SLTM: variants seen among roughly 807,000 people sequenced by gnomAD.
The protein encoded by SLTM is SAFB-like transcription modulator.
In SLTM, 43 loss-of-function variants were observed where a neutral mutation model predicts 134.6. The observed-to-expected ratio is 0.32, with a 90% CI of 0.25 to 0.41. The LOEUF is 0.41. Ranked by LOEUF, SLTM falls within the 10% of genes least tolerant of loss-of-function variation. SLTM has a pLI of 1.00. For missense variants in SLTM, 1,055 were observed against 1,288.8 expected (o/e 0.82, Z 2.78); for synonymous variants, 424 against 432.3 (o/e 0.98, Z 0.24).
At chr15:58,898,564 C>T (rs750842164) in intron 8 of SLTM, 3 of 399,252 alleles carry the variant, frequency 7.5e-6, no homozygotes, top group Non-Finnish European at 9.0e-6. Context: ...GGTAAGTGTT[C>T]CCTAGCTAAT....
rs1051972005 is a variant in SLTM, at chr15:58,888,478, T to G, written c.2282A>C (p.Tyr761Ser). ...ATTAAATCTGTTCTGTTGGCGAGAG[T>G]AGTCGGATCCATGGCCAAATCGTGC... ...TDARFGHGSD[Y>S]SRQQNRFNDF... Residue 761 changes from tyrosine (Y) to serine (S), a missense_variant, in exon 17 of 21, where the codon TAC becomes TCC. Tyr to Ser is a moderately radical substitution (Grantham distance 144). Around this residue, in one of 3 missense-constraint regions of SLTM, gnomAD observed 776 missense variants for 962.2 expected, o/e 0.81. Transcript: ENST00000380516. The G allele has an allele frequency of 6.2e-7, 1 of 1,613,898 alleles. No homozygotes were observed. Among genetic ancestry groups the G allele is most frequent in the Non-Finnish European group, 8.5e-7 (1 of 1,179,978 alleles).
chr15:58,882,081 C>T (rs568944902), intron 20 of SLTM, among the ~76,000 whole-genome samples: 1 of 149,814 alleles, frequency 6.7e-6, no homozygotes, highest in Admixed American at 6.7e-5. Flanking sequence ...GTGGTGCACG[C>T]CTGTATTCCC....
At chr15:58,888,294 G>T in intron 17 of SLTM, 91 bp downstream of exon 17, 1 of 1,144,832 alleles carries the variant, frequency 8.7e-7, no homozygotes, top group South Asian at 1.5e-5. Flanking sequence ...ATTCAGTTCT[G>T]ACCTGGTACT....
rs150231353 is a variant in SLTM at position 58,912,392 on chromosome 15, C to T, written c.561+171G>A. Among the ~76,000 whole-genome samples, 90 of 152,268 alleles carry T rather than the reference C, an allele frequency of 5.9e-4. 3 individuals are homozygous for T. The East Asian group carries it at 0.014, about 24-fold the overall frequency. ...GGGATTACAGGCGTGAGCTACCTAG[C>T]GCGCCCGACCTTGCCAATAGTTTTA... is the stretch of plus-strand genomic sequence containing the variant. On this transcript the variant is annotated intron_variant, in intron 5 of 20. Coordinates refer to ENST00000380516, the MANE Select transcript of SLTM (RefSeq NM_024755.4).
At chr15:58,930,012 T>C (rs1181001728) in intron 2 of SLTM, among the ~76,000 whole-genome samples, 5 of 152,184 alleles carry the variant, frequency 3.3e-5, no homozygotes, top group African/African-American at 1.2e-4. Context: ...TTCTTTGTAA[T>C]TCACAAGATT....
chr15:58,932,457 A>G lies in SLTM; in HGVS notation c.163-14T>C. On this transcript the variant is annotated splice_polypyrimidine_tract_variant and intron_variant, in intron 1 of 20. Transcript: ENST00000380516. ...CTCTTCAATAGCCTACATTAGAAAG[A>G]GAAGTTAATATGCTACACAATCTAT... 6.5e-7 allele frequency: 1 copy of G among 1,540,026 alleles called. No individual in the cohort carries two copies. Among genetic ancestry groups the G allele is most frequent in the Non-Finnish European group, 9.0e-7 (1 of 1,112,660 alleles).
At chr15:58,896,430 C>A (rs1180292788) in intron 9 of SLTM, among the ~76,000 whole-genome samples, 1 of 152,008 alleles carries the variant, frequency 6.6e-6, no homozygotes, top group East Asian at 1.9e-4. Flanking sequence ...TGCAGTTGCT[C>A]ATGCCTGTAA....
chr15:58,912,625 A>G lies in SLTM; in HGVS notation c.514-15T>C. The stretch of plus-strand genomic sequence containing the variant: ...GCTTCAATTTCCTAAGTAAAAGGGT[A>G]TACAATAGCTTTGCTTTATAAAATA... On this transcript the variant is annotated splice_polypyrimidine_tract_variant and intron_variant, in intron 4 of 20. Transcript: ENST00000380516. The G allele has an allele frequency of 6.3e-7, 1 of 1,590,976 alleles. No homozygotes were observed.
chr15:58,895,690 A>G (rs1252346670), intron 9 of SLTM, among the ~76,000 whole-genome samples: 1 of 152,198 alleles, frequency 6.6e-6, no homozygotes, highest in African/African-American at 2.4e-5. Context: ...TACTACTAAT[A>G]AATACCAACA....
chr15:58,933,432 T>C lies in SLTM; in HGVS notation c.134A>G (p.Lys45Arg). ...CTTGAGTCGGGAGATGAGCACGGTCTTGACTCCGGTGATGTCTAAGTTCCG... is the reference window on the plus strand; with the variant it reads ...CTTGAGTCGGGAGATGAGCACGGTCCTGACTCCGGTGATGTCTAAGTTCCG... ...KRRNLDITGV[K>R]TVLISRLKQA... is the part of the protein sequence containing the mutation. Residue 45 changes from lysine (K) to arginine (R), a missense_variant, in exon 1 of 21, where the codon AAG becomes AGG. Transcript: ENST00000380516. The C allele has an allele frequency of 6.3e-7, 1 of 1,592,502 alleles. No individual in the cohort carries two copies. Among genetic ancestry groups the C allele is most frequent in the Non-Finnish European group, 8.5e-7 (1 of 1,170,228 alleles).
chr15:58,882,525 G>A (rs1448419925), intron 20 of SLTM, among the ~76,000 whole-genome samples: 2 of 152,148 alleles, frequency 1.3e-5, no homozygotes, highest in African/African-American at 4.8e-5. Context: ...TCAAAATAAA[G>A]ATAAGTGACC....
intron 2 of SLTM, among the ~76,000 whole-genome samples, chr15:58,931,645 G>C (rs2037887695): frequency 6.6e-6 from 1 of 152,128 alleles, no homozygotes; most frequent in African/African-American, 2.4e-5. Context: ...TTACCAAGAA[G>C]CTTTAAAAAA....
At chr15:58,916,042 C>A (rs966374564) in intron 3 of SLTM, among the ~76,000 whole-genome samples, 1 of 152,120 alleles carries the variant, frequency 6.6e-6, no homozygotes, top group South Asian at 2.1e-4. Context: ...AGAACTGCCA[C>A]AACCCCAATT....
intron 17 of SLTM, among the ~76,000 whole-genome samples, chr15:58,887,797 T>C (rs2034342417): frequency 6.6e-6 from 1 of 152,150 alleles, no homozygotes; most frequent in Non-Finnish European, 1.5e-5. Flanking sequence ...AGCTGAAGAA[T>C]GTTTTACTGT....
rs775718264 is a variant in SLTM, at chr15:58,880,015, G to A, written c.3089C>T (p.Pro1030Leu). The change falls in exon 21 of 21, where the codon CCT becomes CTT. Residue 1030 changes from proline (P) to leucine (L), a missense_variant. By Grantham distance (98) the Pro-to-Leu change is moderately conservative (BLOSUM62 -3). Transcript: ENST00000380516. ...AGCTCATTTTCAGAATCGTCGCGGA[G>A]GTCCACCCTTAAATGGCTTAAATCC... ...GSGFKPFKGG[P>L]PRRF 2 of 1,613,778 alleles carry A rather than the reference G, an allele frequency of 1.2e-6. No individual in the cohort carries two copies. The highest frequency in any genetic ancestry group is 1.7e-6 in the Non-Finnish European group (2 of 1,179,842).
In SLTM at chr15:58,879,163, T is replaced by G. The variant is rs1380967154; in HGVS notation, c.*836A>C. The G allele has an allele frequency of 6.6e-6, 1 of 152,228 alleles. No individual in the cohort carries two copies. The highest frequency in any genetic ancestry group is 2.4e-5 in the African/African-American group (1 of 41,462). 9.4% of individuals were successfully genotyped at this position (152,228 alleles called of 1,614,324 possible). A position where few individuals can be genotyped will look rare whatever the true frequency, so the allele number is the denominator to read the frequency against. Reference sequence around the variant, plus strand: ...TAGAACCTGGGTTTTTTTCCACTTCTCAACATAGTTGGGAACATGGAAACA... The same window carrying G: ...TAGAACCTGGGTTTTTTTCCACTTCGCAACATAGTTGGGAACATGGAAACA... On this transcript the variant is annotated 3_prime_UTR_variant, in exon 21 of 21. Transcript: ENST00000380516.
intron 2 of SLTM, among the ~76,000 whole-genome samples, chr15:58,930,281 A>ATTTTTTTTTTTTTTTTTTTT (rs34150533): frequency 8.5e-6 from 1 of 117,650 alleles, no homozygotes; most frequent in African/African-American, 3.3e-5. Context: ...ATGCCCAGCT[A>ATTTTTTTTTTTTTTTTTTTT]TTTTTTTTTT....
chr15:58,922,785 T>C (rs2037188361), intron 2 of SLTM, among the ~76,000 whole-genome samples: 1 of 151,512 alleles, frequency 6.6e-6, no homozygotes, highest in African/African-American at 2.4e-5. Flanking sequence ...TGATCTTGGC[T>C]CACTGCCACC....
chr15:58,924,513 T>C (rs1595940610), intron 2 of SLTM, among the ~76,000 whole-genome samples: 1 of 152,302 alleles, frequency 6.6e-6, no homozygotes, highest in Middle Eastern at 3.4e-3. Flanking sequence ...GGAACAGTAT[T>C]TCACAATCAC....
Sources: gnomAD v4.1 joint callset for allele counts (sites outside exome capture counted in the v4.1 genomes callset) on GRCh38, gnomAD v4.1.1 for gene constraint, gnomAD v4.1.1 regional missense constraint, MANE v1.5 for transcripts, NCBI Gene and HGNC (gene_info 2026-07-23, HGNC 2026-07-21) for gene names.